BCL2: variants seen among roughly 807,000 people sequenced by gnomAD.
BCL2 encodes the protein apoptosis regulator Bcl-2.
A neutral mutation model predicts 14.2 loss-of-function variants in BCL2; 1 was observed. The observed-to-expected ratio is 0.07, with a 90% confidence interval of 0.02 to 0.33. The LOEUF (loss-of-function observed/expected upper bound fraction) is 0.33. Ranked by LOEUF, BCL2 falls within the 10% of genes least tolerant of loss-of-function variation. The pLI, the probability that BCL2 is intolerant of heterozygous loss-of-function variation, is 0.99. For synonymous variants in BCL2, 151 were observed against 137.2 expected, an observed-to-expected ratio of 1.10 and a Z score of -0.70; for missense variants, 247 against 305.9, an observed-to-expected ratio of 0.81 and a Z score of 1.44.
chr18:63,311,162 T>C (rs571243868), intron 2 of BCL2, among the ~76,000 whole-genome samples: 26 of 152,312 alleles, frequency 1.7e-4, no homozygotes, highest in Non-Finnish European at 3.5e-4. Context: ...ACTAAGTTTA[T>C]GTGTCTCATG....
intron 2 of BCL2, among the ~76,000 whole-genome samples, chr18:63,143,619 A>G (rs1485184997): frequency 1.3e-5 from 2 of 152,258 alleles, no homozygotes; most frequent in Non-Finnish European, 2.9e-5. Flanking sequence ...GGATGCAAGT[A>G]TGTGCTGGCT....
At chr18:63,213,534 A>ACG (rs1910106662) in intron 2 of BCL2, among the ~76,000 whole-genome samples, 1 of 102,932 alleles carries the variant, frequency 9.7e-6, no homozygotes, top group East Asian at 2.6e-4. Flanking sequence ...AACCACACAC[A>ACG]CACACACACA....
chr18:63,220,783 C>T (rs552238705), intron 2 of BCL2, among the ~76,000 whole-genome samples: 18 of 150,988 alleles, frequency 1.2e-4, no homozygotes, highest in South Asian at 2.1e-4. Flanking sequence ...GGAAGGTTTC[C>T]GGTAGGTGAT....
intron 2 of BCL2, among the ~76,000 whole-genome samples, chr18:63,146,525 T>C (rs1175583647): frequency 1.4e-4 from 21 of 152,194 alleles, no homozygotes; most frequent in Admixed American, 1.3e-3. Context: ...CTTTAACCCT[T>C]GAGGAGTTAA....
chr18:63,211,063 CTTTTTTTTTTTTT>C (rs59302545), intron 2 of BCL2, among the ~76,000 whole-genome samples: 4 of 59,142 alleles, frequency 6.8e-5, no homozygotes, highest in Admixed American at 5.5e-4. Flanking sequence ...CTTTTCATTT[CTTTTTTTTTTTTT>C]TTTTTTTTTT....
intron 2 of BCL2, among the ~76,000 whole-genome samples, chr18:63,215,652 A>C (rs902279739): frequency 6.6e-6 from 1 of 152,208 alleles, no homozygotes; most frequent in Non-Finnish European, 1.5e-5. Context: ...GAAGGGAATG[A>C]GAGGAAAAAA....
intron 2 of BCL2, among the ~76,000 whole-genome samples, chr18:63,129,410 G>A (rs1002659905): frequency 6.6e-6 from 1 of 151,408 alleles, no homozygotes; most frequent in East Asian, 1.9e-4. Context: ...TCCTGCCTCC[G>A]CCTCCTGAGT....
At chr18:63,169,336 C>CTTTCTTTCTTTCTTTCTTTCTTT (rs1555697352) in intron 2 of BCL2, among the ~76,000 whole-genome samples, 11 of 62,054 alleles carry the variant, frequency 1.8e-4, no homozygotes, top group Admixed American at 3.4e-4. Flanking sequence ...TCCTTTCCTT[C>CTTTCTTTCTTTCTTTCTTTCTTT]CTTTCTTTCT....
intron 2 of BCL2, among the ~76,000 whole-genome samples, chr18:63,277,510 C>T (rs949417955): frequency 6.6e-6 from 1 of 151,684 alleles, no homozygotes; most frequent in African/African-American, 2.4e-5. Flanking sequence ...TGACTGTAAT[C>T]CCAGTGCCTT....
chr18:63,266,733 A>C (rs1248705880), intron 2 of BCL2, among the ~76,000 whole-genome samples: 1 of 151,886 alleles, frequency 6.6e-6, no homozygotes, highest in Non-Finnish European at 1.5e-5. Flanking sequence ...CTGGCCCACA[A>C]GGCTGTGTGA....
chr18:63,145,500 A>G (rs1391085885), intron 2 of BCL2, among the ~76,000 whole-genome samples: 1 of 152,210 alleles, frequency 6.6e-6, no homozygotes, highest in African/African-American at 2.4e-5. Context: ...TCATGACTGG[A>G]AACAGCTTTT....
chr18:63,221,398 T>C (rs1245303798), intron 2 of BCL2, among the ~76,000 whole-genome samples: 4 of 151,248 alleles, frequency 2.6e-5, no homozygotes, highest in Admixed American at 6.6e-5. Context: ...CAAGAAAATA[T>C]CACAGAGTTA....
intron 2 of BCL2, among the ~76,000 whole-genome samples, chr18:63,172,698 G>A (rs965904339): frequency 5.3e-5 from 8 of 152,072 alleles, no homozygotes; most frequent in African/African-American, 1.2e-4. Context: ...GGAGAATGGC[G>A]TGAACCTGGG....
intron 2 of BCL2, among the ~76,000 whole-genome samples, chr18:63,287,985 T>C (rs925757552): frequency 6.6e-6 from 1 of 152,210 alleles, no homozygotes; most frequent in Non-Finnish European, 1.5e-5. Context: ...GACAGTGATA[T>C]CATTAAGCAG....
intron 2 of BCL2, among the ~76,000 whole-genome samples, chr18:63,222,372 C>A (rs1428276343): frequency 1.3e-5 from 2 of 150,148 alleles, no homozygotes; most frequent in African/African-American, 4.9e-5. Context: ...TATCACCCCC[C>A]AACACACACA....
intron 2 of BCL2, among the ~76,000 whole-genome samples, chr18:63,171,191 TAC>T (rs1915212848): frequency 6.6e-6 from 1 of 152,238 alleles, no homozygotes; most frequent in Non-Finnish European, 1.5e-5. Context: ...GGCCAGAGTT[TAC>T]TAGTGTAATT....
At chr18:63,309,547 G>C (rs187180651) in intron 2 of BCL2, among the ~76,000 whole-genome samples, 1 of 152,002 alleles carries the variant, frequency 6.6e-6, no homozygotes, top group Non-Finnish European at 1.5e-5. Context: ...GATTCTACAC[G>C]TGCAGTGTGC....
chr18:63,294,441 G>A (rs148222441), intron 2 of BCL2, among the ~76,000 whole-genome samples: 82 of 152,248 alleles, frequency 5.4e-4, no homozygotes, highest in African/African-American at 1.9e-3. Context: ...GGCCGAGGCC[G>A]GTAGATCATT....
chr18:63,189,205 A>G (rs1599233360), intron 2 of BCL2, among the ~76,000 whole-genome samples: 3 of 144,944 alleles, frequency 2.1e-5, no homozygotes, highest in South Asian at 4.4e-4. Context: ...AAAAAAAAAA[A>G]GAAAAAGAAA....
Sources: allele counts gnomAD v4.1 joint callset (sites outside exome capture counted in the v4.1 genomes callset), GRCh38; gene constraint gnomAD v4.1.1; transcripts MANE v1.5; gene names NCBI Gene and HGNC (gene_info 2026-07-23, HGNC 2026-07-21).